The following PRKN variants were observed in gnomAD, a reference collection of about 807,000 sequenced individuals.
The protein encoded by PRKN is parkin RBR E3 ubiquitin protein ligase.
Under a neutral mutation model 59.5 loss-of-function variants are expected in PRKN, and 56 were observed. That is an observed-to-expected ratio of 0.94 (90% CI 0.76 to 1.18). PRKN has a LOEUF of 1.18. PRKN is among the 50% of genes most tolerant of loss of function. PRKN has a pLI of 0.00. For synonymous variants in PRKN, 250 were observed against 222.1 expected (o/e 1.13, Z -1.12); for missense variants, 657 against 596.4 (o/e 1.10, Z -1.06).
chr6:161,386,685 C>A lies in PRKN; in HGVS notation c.1167+109G>T. On this transcript the variant is annotated intron_variant, in intron 10 of 11. Coordinates refer to ENST00000366898, the MANE Select transcript of PRKN (RefSeq NM_004562.3). This position sits in a 1 kb window ranked among gnomAD's most constrained non-coding sequence, Gnocchi z 4.3. ...ATTCCCATGGCTGTCAGCTACCAGT[C>A]TGCTTCTTGCTTTTTTAGAATGGAA... 1 of 876,020 alleles carries A rather than the reference C, an allele frequency of 1.1e-6. No homozygotes were observed. The highest frequency in any genetic ancestry group is 1.3e-5 in the South Asian group (1 of 74,626). The allele number at this position is 876,020 out of a possible 1,614,324, so 54.3% of individuals were successfully genotyped here. A position where few individuals can be genotyped will look rare whatever the true frequency, so the allele number is the denominator to read the frequency against.
At chr6:161,710,358 C>G (rs1043616773) in intron 7 of PRKN, among the ~76,000 whole-genome samples, 1 of 152,178 alleles carries the variant, frequency 6.6e-6, no homozygotes, top group Non-Finnish European at 1.5e-5. Flanking sequence ...GTAAACCCGT[C>G]CTAAGTTGAA....
chr6:161,609,817 G>A (rs1583287691), intron 7 of PRKN, among the ~76,000 whole-genome samples: 1 of 152,162 alleles, frequency 6.6e-6, no homozygotes, highest in East Asian at 1.9e-4. Context: ...GCTGGACTAC[G>A]GTTAGAGTTC....
intron 4 of PRKN, among the ~76,000 whole-genome samples, chr6:162,073,580 T>C (rs910434984): frequency 1.1e-4 from 16 of 152,112 alleles, no homozygotes; most frequent in Non-Finnish European, 2.4e-4. Context: ...GCCCCCTAAG[T>C]AGCTGGGACT....
At chr6:161,749,100 G>A (rs950358005) in intron 7 of PRKN, among the ~76,000 whole-genome samples, 1 of 152,146 alleles carries the variant, frequency 6.6e-6, no homozygotes, top group Non-Finnish European at 1.5e-5. Context: ...AGGATTCAGG[G>A]CCGGGAGGCG....
intron 6 of PRKN, among the ~76,000 whole-genome samples, chr6:161,931,518 C>A (rs917552039): frequency 2.6e-5 from 4 of 152,122 alleles, no homozygotes; most frequent in Non-Finnish European, 5.9e-5. Flanking sequence ...TGATATTGAA[C>A]TTCCCAGCCT....
Position 161,461,213 on chromosome 6 carries a change from T to G in PRKN, c.1084-74336A>C, listed in dbSNP as rs1009423852. On this transcript the variant is annotated intron_variant, in intron 9 of 11. Coordinates refer to ENST00000366898, the MANE Select transcript of PRKN (RefSeq NM_004562.3). The surrounding 1 kb of genome is among the most constrained non-coding windows in gnomAD (Gnocchi z 5.1). ...GTGGCTCAGAGGAAGCAGCGGCCTG[T>G]GCAAAGGTCTGGAGGTCTGAAAAGT... Among the ~76,000 whole-genome samples the G allele has an allele frequency of 1.3e-5, 2 of 152,134 alleles. No individual in the cohort carries two copies. The highest frequency in any genetic ancestry group is 2.9e-5 in the Non-Finnish European group (2 of 68,032).
chr6:162,207,685 G>A (rs1041822983), intron 3 of PRKN, among the ~76,000 whole-genome samples: 9 of 152,092 alleles, frequency 5.9e-5, no homozygotes, highest in African/African-American at 1.9e-4. Flanking sequence ...GACCTCATGT[G>A]CACACCACTG....
chr6:162,185,183 T>C (rs748529095), intron 4 of PRKN, among the ~76,000 whole-genome samples: 7 of 152,210 alleles, frequency 4.6e-5, no homozygotes, highest in Non-Finnish European at 7.3e-5. Flanking sequence ...ATGTTATGGA[T>C]ATTTTTTCTA....
At chr6:162,688,268 G>A (rs1777643041) in intron 1 of PRKN, among the ~76,000 whole-genome samples, 1 of 152,192 alleles carries the variant, frequency 6.6e-6, no homozygotes, top group Non-Finnish European at 1.5e-5. Context: ...AGTGATAGAT[G>A]TCAGATGGTG....
intron 3 of PRKN, among the ~76,000 whole-genome samples, chr6:162,249,958 C>T (rs1453513405): frequency 1.3e-5 from 2 of 151,984 alleles, no homozygotes; most frequent in Non-Finnish European, 2.9e-5. Context: ...CCATCCTGGC[C>T]AACAGGTCGA....
chr6:162,415,957 C>A (rs1213717981), intron 2 of PRKN, among the ~76,000 whole-genome samples: 2 of 152,188 alleles, frequency 1.3e-5, no homozygotes, highest in African/African-American at 4.8e-5. Flanking sequence ...TGAAAGACTG[C>A]AAAACGCTGA....
chr6:161,980,962 A>G (rs898067149), intron 5 of PRKN, among the ~76,000 whole-genome samples: 3 of 152,244 alleles, frequency 2.0e-5, no homozygotes, highest in Admixed American at 6.5e-5. Flanking sequence ...AGATACAGAA[A>G]TACTCACACA....
chr6:162,368,839 A>G (rs775516125), intron 2 of PRKN, among the ~76,000 whole-genome samples: 3 of 152,226 alleles, frequency 2.0e-5, no homozygotes, highest in Non-Finnish European at 4.4e-5. Flanking sequence ...TCACAATTAC[A>G]GAGAGCCAAA....
intron 2 of PRKN, among the ~76,000 whole-genome samples, chr6:162,359,079 A>AAAAAAAAAAAAATATATAT (rs57265104): frequency 1.2e-5 from 1 of 83,274 alleles, no homozygotes; most frequent in African/African-American, 7.3e-5. Flanking sequence ...AAAAAAAAAA[A>AAAAAAAAAAAAATATATAT]ATATATATAT....
Position 161,548,366 on chromosome 6 carries a change from C to T in PRKN, c.1083+488G>A, listed in dbSNP as rs1208239203. Among the ~76,000 whole-genome samples, 1 of 152,176 alleles carries T rather than the reference C, an allele frequency of 6.6e-6. No individual in the cohort carries two copies. Among genetic ancestry groups the T allele is most frequent in the East Asian group, 1.9e-4 (1 of 5,190 alleles). The stretch of plus-strand genomic sequence containing the variant: ...AAGAGACACCATTAGTTTTGTTCAT[C>T]TCTACTTAAAATGATTTTTATGACA... On this transcript the variant is annotated intron_variant, in intron 9 of 11. Transcript: ENST00000366898. This position sits in a 1 kb window ranked among gnomAD's most constrained non-coding sequence, Gnocchi z 4.2.
At chr6:161,512,348 C>G (rs1432764044) in intron 9 of PRKN, among the ~76,000 whole-genome samples, 1 of 74,378 alleles carries the variant, frequency 1.3e-5, no homozygotes, top group Non-Finnish European at 2.8e-5. Context: ...AAGGGAGGCT[C>G]TGGTGCATAA....
At chr6:161,893,419 G>T (rs983794320) in intron 6 of PRKN, among the ~76,000 whole-genome samples, 1 of 152,166 alleles carries the variant, frequency 6.6e-6, no homozygotes, top group Admixed American at 6.5e-5. Flanking sequence ...AGGAAACAAA[G>T]TATCCTATAG....
rs191147835 is a variant in PRKN at position 161,720,518 on chromosome 6, G to A, written c.871+65254C>T. On this transcript the variant is annotated intron_variant, in intron 7 of 11. Transcript: ENST00000366898. Reference sequence around the variant, plus strand: ...CAGAGGGCACTGATGGGCACAGGTGGGGGGGGGCAGGTGGGCAGAAGAAAG... The same window carrying A: ...CAGAGGGCACTGATGGGCACAGGTGAGGGGGGGCAGGTGGGCAGAAGAAAG... Among the ~76,000 whole-genome samples the A allele has an allele frequency of 8.1e-3, 899 of 111,130 alleles. 9 individuals carry two copies. Among genetic ancestry groups the A allele is most frequent in the African/African-American group, 0.045 (820 of 18,292 alleles). The allele number at this position is 111,130 out of a possible 152,430, so 72.9% of individuals were successfully genotyped here.
chr6:162,578,013 T>C (rs1455767511), intron 1 of PRKN, among the ~76,000 whole-genome samples: 10 of 152,300 alleles, frequency 6.6e-5, no homozygotes, highest in Admixed American at 5.9e-4. Flanking sequence ...AACTTCAATA[T>C]TGATGAGGGT....
Sources: gnomAD v4.1 joint callset for allele counts (sites outside exome capture counted in the v4.1 genomes callset) on GRCh38, gnomAD v4.1.1 for gene constraint, Gnocchi (gnomAD v3.1) non-coding constraint, MANE v1.5 for transcripts, NCBI Gene and HGNC (gene_info 2026-07-23, HGNC 2026-07-21) for gene names.